The following ACKR2 variants were observed in gnomAD, a reference collection of about 807,000 sequenced individuals.
ACKR2 encodes the protein C-C chemokine receptor D6.
For synonymous variants in ACKR2, 207 were observed against 192.2 expected (o/e 1.08, Z -0.64); for missense variants, 457 against 477.3 (o/e 0.96, Z 0.40).
intron 2 of ACKR2, among the ~76,000 whole-genome samples, chr3:42,847,003 A>G (rs1701105619): frequency 6.6e-6 from 1 of 152,232 alleles, no homozygotes; most frequent in Admixed American, 6.5e-5. Flanking sequence ...TGTGGCTGCT[A>G]TCAACTGTGT....
intron 2 of ACKR2, among the ~76,000 whole-genome samples, chr3:42,850,577 T>C (rs1273338226): frequency 6.6e-6 from 1 of 152,090 alleles, no homozygotes; most frequent in Non-Finnish European, 1.5e-5. Flanking sequence ...GCAGTGGGAC[T>C]GGAGGTGAGG....
At chr3:42,844,664 A>G (rs1011554883) in intron 2 of ACKR2, among the ~76,000 whole-genome samples, 3 of 152,246 alleles carry the variant, frequency 2.0e-5, no homozygotes, top group African/African-American at 7.2e-5. Context: ...AGGGGATTCC[A>G]AAGGTGCCTT....
intron 1 of ACKR2, among the ~76,000 whole-genome samples, chr3:42,815,900 T>G (rs949123520): frequency 6.6e-6 from 1 of 152,208 alleles, no homozygotes; most frequent in Non-Finnish European, 1.5e-5. Context: ...ACAGCCACTT[T>G]TAATTTGGTA....
intron 2 of ACKR2, among the ~76,000 whole-genome samples, chr3:42,854,551 C>T (rs917619086): frequency 6.6e-6 from 1 of 152,210 alleles, no homozygotes; most frequent in Non-Finnish European, 1.5e-5. Context: ...CCCGGCCCCC[C>T]ATTTGCTAAT....
chr3:42,840,183 C>A (rs1701022138), intron 2 of ACKR2, among the ~76,000 whole-genome samples: 1 of 146,604 alleles, frequency 6.8e-6, no homozygotes, highest in Admixed American at 7.5e-5. Context: ...TGGCGTGAAC[C>A]CGGGAGGCGG....
chr3:42,837,937 AC>A (rs1323296431), intron 2 of ACKR2, among the ~76,000 whole-genome samples: 1 of 152,194 alleles, frequency 6.6e-6, no homozygotes, highest in Non-Finnish European at 1.5e-5. Context: ...CAGAAATATG[AC>A]CCTCTTTATG....
At chr3:42,825,508 A>G (rs1291263069) in intron 2 of ACKR2, among the ~76,000 whole-genome samples, 1 of 151,976 alleles carries the variant, frequency 6.6e-6, no homozygotes, top group Non-Finnish European at 1.5e-5. Flanking sequence ...TTTAGTTTAT[A>G]GAAATACAGT....
chr3:42,812,216 C>A (rs543242884), intron 1 of ACKR2, among the ~76,000 whole-genome samples: 25 of 152,196 alleles, frequency 1.6e-4, no homozygotes, highest in Non-Finnish European at 3.2e-4. Context: ...TTGTATAGTG[C>A]ATAACGGCCC....
At chr3:42,817,459 T>G (rs1412031794) in intron 1 of ACKR2, among the ~76,000 whole-genome samples, 2 of 152,170 alleles carry the variant, frequency 1.3e-5, no homozygotes, top group African/African-American at 4.8e-5. Context: ...CTTCTGGTTT[T>G]GGGTACCCTC....
intron 1 of ACKR2, among the ~76,000 whole-genome samples, chr3:42,811,383 C>T (rs1018695307): frequency 5.3e-5 from 8 of 152,300 alleles, no homozygotes; most frequent in Middle Eastern, 3.4e-3. Context: ...TAGGGCTGTG[C>T]AGGGTGTGCC....
intron 2 of ACKR2, among the ~76,000 whole-genome samples, chr3:42,832,218 G>C (rs1700938222): frequency 6.6e-6 from 1 of 152,162 alleles, no homozygotes; most frequent in South Asian, 2.1e-4. Context: ...GCTAGGCGTG[G>C]TGGCTCATGC....
chr3:42,848,546 T>C (rs567489449), intron 2 of ACKR2, among the ~76,000 whole-genome samples: 14 of 152,220 alleles, frequency 9.2e-5, no homozygotes, highest in African/African-American at 3.4e-4. Context: ...GAATTCTAAT[T>C]AATACATGTA....
chr3:42,828,092 A>ATAT (rs1193533555), intron 2 of ACKR2, among the ~76,000 whole-genome samples: 5,887 of 121,806 alleles, frequency 0.048, 159 homozygotes, highest in Non-Finnish European at 0.057. Flanking sequence ...ATATATATAT[A>ATAT]TTTTTTTTTT....
intron 2 of ACKR2, among the ~76,000 whole-genome samples, chr3:42,854,030 T>C (rs1701191880): frequency 6.6e-6 from 1 of 152,148 alleles, no homozygotes. Flanking sequence ...CACATGACCC[T>C]GTCCATAGGC....
intron 2 of ACKR2, among the ~76,000 whole-genome samples, chr3:42,846,264 T>C (rs1701096158): frequency 6.6e-6 from 1 of 152,148 alleles, no homozygotes; most frequent in South Asian, 2.1e-4. Context: ...GATGGGGTGA[T>C]AAAGTGAAGG....
Position 42,865,519 on chromosome 3 carries a change from T to A in ACKR2, c.1017T>A (p.Thr339=). 6.2e-7 allele frequency: 1 copy of A among 1,614,164 alleles called. No homozygotes were observed. Among genetic ancestry groups the A allele is most frequent in the Non-Finnish European group, 8.5e-7 (1 of 1,180,020 alleles). ...AVLGWHLAPG[T]AQASLSSCSE... ...TTGGATGGCACCTGGCACCTGGCAC[T>A]GCCCAGGCCTCATTATCCAGCTGTT... The change falls in exon 3 of 3, where the codon ACT becomes ACA. Residue 339 remains threonine (T), a synonymous_variant. Coordinates refer to ENST00000422265, the MANE Select transcript of ACKR2 (RefSeq NM_001296.5).
At chr3:42,831,585 G>C (rs1479821897) in intron 2 of ACKR2, among the ~76,000 whole-genome samples, 1 of 152,158 alleles carries the variant, frequency 6.6e-6, no homozygotes, top group Admixed American at 6.5e-5. Flanking sequence ...GCTCCATCTA[G>C]GGCAACCCAG....
At chr3:42,857,277 C>G (rs919241846) in intron 2 of ACKR2, among the ~76,000 whole-genome samples, 1 of 152,074 alleles carries the variant, frequency 6.6e-6, no homozygotes, top group Admixed American at 6.6e-5. Context: ...GAGAGACTCA[C>G]AGGGTGGTGG....
At chr3:42,826,655 T>C (rs1700868332) in intron 2 of ACKR2, among the ~76,000 whole-genome samples, 1 of 152,172 alleles carries the variant, frequency 6.6e-6, no homozygotes, top group Non-Finnish European at 1.5e-5. Flanking sequence ...TAAAAGTTTG[T>C]CAGTTTTGCT....
Sources: allele counts gnomAD v4.1 joint callset (sites outside exome capture counted in the v4.1 genomes callset), GRCh38; gene constraint gnomAD v4.1.1; transcripts MANE v1.5; gene names NCBI Gene and HGNC (gene_info 2026-07-23, HGNC 2026-07-21).